NR3C2: variants seen among roughly 807,000 people sequenced by gnomAD.
NR3C2 encodes nuclear receptor subfamily 3 group C member 2.
NR3C2 carries 15 observed loss-of-function variants against 86.4 expected under a neutral mutation model. That is an observed-to-expected ratio of 0.17 (90% CI 0.12 to 0.27). The LOEUF is 0.27. Ranked by LOEUF, NR3C2 falls within the 10% of genes least tolerant of loss-of-function variation. The pLI, the probability that NR3C2 is intolerant of heterozygous loss-of-function variation, is 1.00. For synonymous variants in NR3C2, 458 were observed against 450.5 expected (o/e 1.02, Z -0.21); for missense variants, 960 against 1,195.6 (o/e 0.80, Z 2.91).
intron 8 of NR3C2, among the ~76,000 whole-genome samples, chr4:148,099,077 T>G (rs184642100): frequency 3.4e-4 from 52 of 152,344 alleles, no homozygotes; most frequent in Admixed American, 3.4e-3. Flanking sequence ...CTGCAAGGTG[T>G]TCTACCCATT....
At chr4:148,115,402 T>C (rs985936210) in intron 7 of NR3C2, among the ~76,000 whole-genome samples, 8 of 152,192 alleles carry the variant, frequency 5.3e-5, no homozygotes, top group African/African-American at 1.7e-4. Flanking sequence ...AATAAGAAAA[T>C]CAACTAGAAT....
intron 5 of NR3C2, 27 bp downstream of exon 5, chr4:148,154,524 A>C: frequency 5.6e-6 from 9 of 1,605,864 alleles, no homozygotes; most frequent in Non-Finnish European, 7.7e-6. Flanking sequence ...TTCAGGATGC[A>C]GCCTGTGAAA....
intron 2 of NR3C2, among the ~76,000 whole-genome samples, chr4:148,300,668 G>A (rs572026439): frequency 2.0e-5 from 3 of 150,562 alleles, no homozygotes; most frequent in Admixed American, 2.0e-4. Flanking sequence ...CACCTCCTGG[G>A]TTCCAGCAAT....
intron 2 of NR3C2, among the ~76,000 whole-genome samples, chr4:148,270,490 A>G (rs1740625931): frequency 6.6e-6 from 1 of 152,222 alleles, no homozygotes; most frequent in East Asian, 1.9e-4. Context: ...CATTAATGAC[A>G]ATTAATGGCA....
chr4:148,372,040 G>A (rs1254753862), intron 2 of NR3C2, among the ~76,000 whole-genome samples: 1 of 152,056 alleles, frequency 6.6e-6, no homozygotes, highest in East Asian at 1.9e-4. Flanking sequence ...TATTGCTCAT[G>A]TATAAAAATC....
Position 148,436,188 on chromosome 4 carries a change from C to A in NR3C2, c.673G>T (p.Val225Leu), listed in dbSNP as rs1275337685. The change falls in exon 2 of 9, where the codon GTG (valine) becomes TTG (leucine). Residue 225 changes from valine to leucine, a missense_variant. Val to Leu is a conservative substitution (Grantham distance 32). Coordinates refer to ENST00000358102, the MANE Select transcript of NR3C2 (RefSeq NM_000901.5). Reference sequence around the variant, plus strand: ...GTTCCCTGGGTGATTGGGCTGTGCACTGGAAAACTGCCAAAGCTGGCTGTG... The same window carrying A: ...GTTCCCTGGGTGATTGGGCTGTGCAATGGAAAACTGCCAAAGCTGGCTGTG... ...STTASFGSFP[V>L]HSPITQGTPL... The A allele has an allele frequency of 1.2e-6, 2 of 1,614,174 alleles. No homozygotes were observed. Among genetic ancestry groups the A allele is most frequent in the African/African-American group, 1.3e-5 (1 of 75,036 alleles).
intron 2 of NR3C2, among the ~76,000 whole-genome samples, chr4:148,288,958 C>CACAGAAAA (rs1741666064): frequency 6.6e-6 from 1 of 151,976 alleles, no homozygotes; most frequent in Admixed American, 6.6e-5. Context: ...CATTCTTTAA[C>CACAGAAAA]AAGTTGATGC....
At chr4:148,348,200 G>A (rs984195351) in intron 2 of NR3C2, among the ~76,000 whole-genome samples, 1 of 152,036 alleles carries the variant, frequency 6.6e-6, no homozygotes, top group African/African-American at 2.4e-5. Flanking sequence ...CTCTGTTTTG[G>A]TAAGTCTAAA....
At chr4:148,218,705 T>C (rs1223815504) in intron 3 of NR3C2, among the ~76,000 whole-genome samples, 4 of 152,182 alleles carry the variant, frequency 2.6e-5, no homozygotes, top group Admixed American at 2.6e-4. Context: ...CAACTACTAA[T>C]CTAGTTTCTG....
chr4:148,122,641 AG>A (rs1732560291), intron 6 of NR3C2, among the ~76,000 whole-genome samples: 1 of 152,162 alleles, frequency 6.6e-6, no homozygotes, highest in Non-Finnish European at 1.5e-5. Flanking sequence ...TGTTGCTGGA[AG>A]TCAGGGACCC....
chr4:148,104,754 T>C (rs1207724934), intron 8 of NR3C2, among the ~76,000 whole-genome samples: 1 of 152,198 alleles, frequency 6.6e-6, no homozygotes, highest in East Asian at 1.9e-4. Flanking sequence ...TTCCCCAAAC[T>C]TCCTACAAGA....
At chr4:148,166,081 AAGAATTAATAGTAGCCAATG>A (rs1227075049) in intron 4 of NR3C2, among the ~76,000 whole-genome samples, 2 of 152,244 alleles carry the variant, frequency 1.3e-5, no homozygotes, top group African/African-American at 4.8e-5. Flanking sequence ...AGTCTAAATT[AAGAATTAATAGTAGCCAATG>A]ATGCATGTAC....
rs1264394647 is a variant in NR3C2 at position 148,241,326 on chromosome 4, AAAAAAAAG to A, written c.1897+18644_1897+18651del. Among the ~76,000 whole-genome samples, 16 of 145,562 alleles carry A rather than the reference AAAAAAAAG, an allele frequency of 1.1e-4. 3 individuals carry two copies. Among genetic ancestry groups the A allele is most frequent in the East Asian group, 5.9e-4 (3 of 5,068 alleles). ...GTCTCAAAAAAAAAAAAAAAAAAAA[AAAAAAAAG>A]GGGAAAAATAAAATCTAATCTCCCT... On this transcript the variant is annotated intron_variant, in intron 3 of 8. Transcript: ENST00000358102.
At chr4:148,206,928 CT>C (rs772221588) in intron 3 of NR3C2, among the ~76,000 whole-genome samples, 59 of 146,894 alleles carry the variant, frequency 4.0e-4, no homozygotes, top group Middle Eastern at 3.5e-3. Flanking sequence ...TTATGATAAT[CT>C]TTTTTTTTTT....
chr4:148,236,278 T>G (rs529545870), intron 3 of NR3C2, among the ~76,000 whole-genome samples: 1 of 152,320 alleles, frequency 6.6e-6, no homozygotes, highest in Non-Finnish European at 1.5e-5. Context: ...AACAATGGCT[T>G]CTGGTATGTT....
intron 2 of NR3C2, among the ~76,000 whole-genome samples, chr4:148,367,427 T>C (rs968009660): frequency 6.6e-6 from 1 of 152,192 alleles, no homozygotes; most frequent in Non-Finnish European, 1.5e-5. Flanking sequence ...TTAAAAAGTT[T>C]AAAGGTATAT....
rs568960456 is a variant in NR3C2 at position 148,433,513 on chromosome 4, A to G, written c.1757+1591T>C. Among the ~76,000 whole-genome samples the G allele has an allele frequency of 3.6e-4, 55 of 152,328 alleles. No homozygotes were observed. In the Middle Eastern group the frequency reaches 0.01, roughly 28 times the overall value. The stretch of plus-strand genomic sequence containing the variant: ...ACTAAAAATTATAAAACAATTTCAT[A>G]ATAGCAAAACATATACAATGCATAC... On this transcript the variant is annotated intron_variant, in intron 2 of 8. Transcript: ENST00000358102.
At chr4:148,213,020 G>A (rs914879489) in intron 3 of NR3C2, among the ~76,000 whole-genome samples, 11 of 152,156 alleles carry the variant, frequency 7.2e-5, no homozygotes, top group Non-Finnish European at 1.2e-4. Flanking sequence ...GAGGGAAGGA[G>A]AGGAGGACAG....
In NR3C2 at chr4:148,120,302, G is replaced by T. The variant is rs923957718; in HGVS notation, c.2511-14C>A. ...TGCATCTTCTCTCTGCAAAGGAAAAGAAGAAAATGTCTGAGAATGCAAGAT... is the reference window on the plus strand; with the variant it reads ...TGCATCTTCTCTCTGCAAAGGAAAATAAGAAAATGTCTGAGAATGCAAGAT... On this transcript the variant is annotated splice_polypyrimidine_tract_variant and intron_variant, in intron 6 of 8. Coordinates refer to ENST00000358102, the MANE Select transcript of NR3C2 (RefSeq NM_000901.5). 4.3e-6 allele frequency: 7 copies of T among 1,613,840 alleles called. No individual in the cohort carries two copies. In the African/African-American group the frequency reaches 6.7e-5, roughly 15 times the overall value.
Sources: allele counts gnomAD v4.1 joint callset (sites outside exome capture counted in the v4.1 genomes callset), GRCh38; gene constraint gnomAD v4.1.1; transcripts MANE v1.5; gene names NCBI Gene and HGNC (gene_info 2026-07-23, HGNC 2026-07-21).